The following NCALD variants were observed in gnomAD, a reference collection of about 807,000 sequenced individuals.
NCALD encodes the protein neurocalcin delta, also known as neurocalcin-delta.
NCALD carries 10 observed loss-of-function variants against 18.6 expected under a neutral mutation model. That is an observed-to-expected ratio of 0.54 (90% CI 0.33 to 0.91). The LOEUF is 0.91. Among genes scored for constraint, NCALD ranks in the 40% least tolerant of loss-of-function variants. The pLI, the probability that NCALD is intolerant of heterozygous loss-of-function variation, is 0.03. For synonymous variants in NCALD, 88 were observed against 87.4 expected (o/e 1.01, Z -0.04); for missense variants, 184 against 247.6 (o/e 0.74, Z 1.72).
At chr8:101,931,763 C>T (rs1382013482) in intron 2 of NCALD, among the ~76,000 whole-genome samples, 1 of 152,160 alleles carries the variant, frequency 6.6e-6, no homozygotes, top group African/African-American at 2.4e-5. Flanking sequence ...AGTGGCCCTG[C>T]AAAGCACTCT....
At chr8:102,063,437 T>G (rs999270078) in intron 1 of NCALD, among the ~76,000 whole-genome samples, 3 of 152,170 alleles carry the variant, frequency 2.0e-5, no homozygotes, top group South Asian at 2.1e-4. Flanking sequence ...AAAATCCAAA[T>G]GCACTAAAAA....
intron 2 of NCALD, among the ~76,000 whole-genome samples, chr8:102,008,968 A>ACACACACAC (rs60824028): frequency 3.2e-4 from 43 of 136,164 alleles, no homozygotes; most frequent in African/African-American, 7.7e-4. Context: ...ACACACACAC[A>ACACACACAC]AGCCCTAAAA....
intron 1 of NCALD, chr8:101,785,773 G>A (rs532291372): frequency 1.3e-5 from 2 of 152,176 alleles, no homozygotes; most frequent in East Asian, 3.9e-4. Flanking sequence ...TCTCTAGGTC[G>A]GTCCCTACCA....
chr8:101,744,554 T>C (rs916869701), intron 1 of NCALD, among the ~76,000 whole-genome samples: 4 of 152,174 alleles, frequency 2.6e-5, no homozygotes, highest in African/African-American at 4.8e-5. Flanking sequence ...GTTTTAAAAG[T>C]CTTAGGATCT....
intron 1 of NCALD, among the ~76,000 whole-genome samples, chr8:102,064,449 C>T (rs1403748211): frequency 6.6e-6 from 1 of 152,220 alleles, no homozygotes; most frequent in East Asian, 1.9e-4. Flanking sequence ...TGGCTCCCCA[C>T]ACCTCCACAA....
At position 101,819,291 on chromosome 8, in the gene NCALD, A is replaced by T. The variant is rs188945235; in HGVS notation, c.-20+67850T>A. ...TATTTATTTATTTATTTATTTATTT[A>T]TTTATTTATTTATTGTTCTTAGTTT... On this transcript the variant is annotated intron_variant, in intron 4 of 6. Coordinates refer to the NCALD transcript ENST00000311028. Among the ~76,000 whole-genome samples, 45 of 150,726 alleles carry T rather than the reference A, an allele frequency of 3.0e-4. No homozygotes were observed. In the East Asian group the frequency reaches 6.4e-3, roughly 21 times the overall value.
At chr8:102,085,356 C>A (rs887339676) in intron 1 of NCALD, among the ~76,000 whole-genome samples, 1 of 152,214 alleles carries the variant, frequency 6.6e-6, no homozygotes, top group African/African-American at 2.4e-5. Flanking sequence ...CCTCTCTAGA[C>A]AGTAAACTCC....
intron 2 of NCALD, among the ~76,000 whole-genome samples, chr8:101,715,353 T>A (rs1816025355): frequency 6.6e-6 from 1 of 152,084 alleles, no homozygotes; most frequent in African/African-American, 2.4e-5. Context: ...GATTTAAACA[T>A]AAAACCTAAA....
chr8:101,882,001 G>T (rs1000137108), intron 4 of NCALD, among the ~76,000 whole-genome samples: 1 of 152,108 alleles, frequency 6.6e-6, no homozygotes, highest in African/African-American at 2.4e-5. Flanking sequence ...GGTGATATTT[G>T]CCCTTCCCAG....
At chr8:101,993,658 A>G (rs1185349424) in intron 2 of NCALD, among the ~76,000 whole-genome samples, 2 of 152,154 alleles carry the variant, frequency 1.3e-5, no homozygotes, top group Admixed American at 6.5e-5. Flanking sequence ...GCCTCTCCCT[A>G]CTACTCCAGG....
chr8:101,711,005 T>C (rs1161707668), intron 2 of NCALD, among the ~76,000 whole-genome samples: 1 of 152,252 alleles, frequency 6.6e-6, no homozygotes, highest in East Asian at 1.9e-4. Context: ...AGACACCTTA[T>C]ACAGGAGAGC....
chr8:101,828,650 A>G (rs7827304), intron 4 of NCALD, among the ~76,000 whole-genome samples: 120,993 of 151,490 alleles, frequency 0.8, 48,695 homozygotes, highest in African/African-American at 0.87. Flanking sequence ...CACTAAGGCT[A>G]AAGTGTGGTG....
At chr8:101,724,096 C>T (rs780991113) in intron 1 of NCALD, among the ~76,000 whole-genome samples, 7 of 152,224 alleles carry the variant, frequency 4.6e-5, no homozygotes, top group Non-Finnish European at 8.8e-5. Flanking sequence ...CCATGTTAAA[C>T]TACCAACTAA....
At chr8:101,711,978 C>A (rs1230989951) in intron 2 of NCALD, among the ~76,000 whole-genome samples, 2 of 152,048 alleles carry the variant, frequency 1.3e-5, no homozygotes, top group Non-Finnish European at 2.9e-5. Context: ...GTCAGATTCA[C>A]CAAGGTTGAA....
chr8:101,951,815 T>C (rs1819435305), intron 2 of NCALD, among the ~76,000 whole-genome samples: 1 of 152,118 alleles, frequency 6.6e-6, no homozygotes, highest in Admixed American at 6.5e-5. Context: ...ACTTCTGTGG[T>C]CTGTTTGTCC....
chr8:101,819,306 G>T (rs1232617128), intron 4 of NCALD, among the ~76,000 whole-genome samples: 3 of 117,528 alleles, frequency 2.6e-5, no homozygotes, highest in Admixed American at 8.8e-5. Context: ...TTTATTTATT[G>T]TTCTTAGTTT....
At chr8:101,690,482 C>G (rs866182359) in intron 3 of NCALD, 2 of 985,468 alleles carry the variant, frequency 2.0e-6, no homozygotes, top group African/African-American at 3.5e-5. Flanking sequence ...CGTCCTTGGA[C>G]TCTCACGCTA....
intron 1 of NCALD, among the ~76,000 whole-genome samples, chr8:102,094,855 A>G (rs1007122078): frequency 5.3e-5 from 8 of 152,226 alleles, no homozygotes; most frequent in African/African-American, 1.4e-4. Context: ...ATGTGTCCAC[A>G]CGACAGGGAA....
chr8:101,733,266 T>C (rs1487379990), intron 1 of NCALD, among the ~76,000 whole-genome samples: 1 of 152,234 alleles, frequency 6.6e-6, no homozygotes, highest in Non-Finnish European at 1.5e-5. Flanking sequence ...AGAAAGAGAA[T>C]ATGCAATAAT....
Sources: allele counts gnomAD v4.1 joint callset (sites outside exome capture counted in the v4.1 genomes callset), GRCh38; gene constraint gnomAD v4.1.1; transcripts MANE v1.5; gene names NCBI Gene and HGNC (gene_info 2026-07-23, HGNC 2026-07-21).